RP1L1: variants seen among roughly 807,000 people sequenced by gnomAD.
RP1L1 encodes RP1 like 1, also known as retinitis pigmentosa 1-like 1 protein.
RP1L1 carries 27 observed loss-of-function variants against 15.7 expected under a neutral mutation model. The ratio of observed to expected loss-of-function variants is 1.72; its 90% CI spans 1.27 to 2.38. The LOEUF (loss-of-function observed/expected upper bound fraction) is 2.38, where lower values mean the gene tolerates loss of function less well. Among genes scored for constraint, RP1L1 ranks in the 30% most tolerant of loss-of-function variants. The pLI, the probability that RP1L1 is intolerant of heterozygous loss-of-function variation, is 0.00. For missense variants in RP1L1, 4,798 were observed against 3,075.9 expected (o/e 1.56, Z -13.24); for synonymous variants, 1,813 against 1,276.7 (o/e 1.42, Z -8.96).
chr8:10,638,773 C>A (rs548831077), intron 1 of RP1L1, among the ~76,000 whole-genome samples: 1 of 152,086 alleles, frequency 6.6e-6, no homozygotes, highest in Non-Finnish European at 1.5e-5. Flanking sequence ...AGATAAAACC[C>A]ATTTGCTGCC....
intron 1 of RP1L1, among the ~76,000 whole-genome samples, chr8:10,639,383 T>C (rs1263658341): frequency 6.6e-6 from 1 of 152,102 alleles, no homozygotes. Flanking sequence ...ATTGTTTGAA[T>C]TTATTTATTT....
At chr8:10,625,099 C>A (rs374620149) in intron 1 of RP1L1, among the ~76,000 whole-genome samples, 2 of 152,334 alleles carry the variant, frequency 1.3e-5, no homozygotes, top group Admixed American at 6.5e-5. Flanking sequence ...TCAGCTGATA[C>A]GCAAAATCGC....
intron 2 of RP1L1, among the ~76,000 whole-genome samples, 195 bp from the exon 3 acceptor site, chr8:10,616,782 C>A (rs1335501330): frequency 1.3e-5 from 2 of 152,202 alleles, no homozygotes; most frequent in African/African-American, 4.8e-5. Context: ...TGAGGTCCCA[C>A]CACCACGATC....
rs556646641 is a variant in RP1L1 at position 10,629,574 on chromosome 8, G to A, written c.-19-6354C>T. ...ACAGGTGTGGTCCCAAGGCAGCTTG[G>A]GCTACTGTGCAACCAAATGCAATCA... On this transcript the variant is annotated intron_variant, in intron 1 of 3. Coordinates refer to ENST00000382483, the MANE Select transcript of RP1L1 (RefSeq NM_178857.6). 5.3e-5 allele frequency among the ~76,000 whole-genome samples: 8 copies of A among 152,174 alleles called. No homozygotes were observed. The East Asian group carries it at 1.4e-3, about 26-fold the overall frequency.
At chr8:10,644,066 G>C (rs1798442421) in intron 1 of RP1L1, among the ~76,000 whole-genome samples, 1 of 152,024 alleles carries the variant, frequency 6.6e-6, no homozygotes, top group Admixed American at 6.5e-5. Flanking sequence ...AGAAGGCTAT[G>C]TTGGGTTCCA....
chr8:10,633,302 C>T (rs1326863689), intron 1 of RP1L1, among the ~76,000 whole-genome samples: 1 of 152,138 alleles, frequency 6.6e-6, no homozygotes, highest in African/African-American at 2.4e-5. Flanking sequence ...CCCACTAGTG[C>T]CCCCATTGAC....
chr8:10,614,658 C>T (rs564113557), intron 3 of RP1L1, among the ~76,000 whole-genome samples: 24 of 93,306 alleles, frequency 2.6e-4, no homozygotes, highest in Admixed American at 1.3e-3. Context: ...AAGATTCTGT[C>T]GTCAAAAAAA....
chr8:10,619,032 G>C (rs961446498), intron 2 of RP1L1, among the ~76,000 whole-genome samples: 3 of 152,020 alleles, frequency 2.0e-5, no homozygotes, highest in South Asian at 2.1e-4. Flanking sequence ...CACCATGCCT[G>C]GCTAATTTTA....
intron 1 of RP1L1, among the ~76,000 whole-genome samples, chr8:10,651,437 G>A (rs1798559364): frequency 6.6e-6 from 1 of 152,090 alleles, no homozygotes; most frequent in South Asian, 2.1e-4. Context: ...AGAAATAAAA[G>A]CTATGCTCGG....
chr8:10,607,966 T>G lies in RP1L1; in HGVS notation c.6132A>C (p.Thr2044=). The G allele has an allele frequency of 1.2e-6, 2 of 1,612,020 alleles. No individual in the cohort carries two copies. The change falls in exon 4 of 4, where the codon ACA becomes ACC. Residue 2044 remains threonine, a synonymous_variant. Transcript: ENST00000382483. ...CTGACTCTGGCTGGGCATCCCCTTC[T>G]GTCTTCTGGGTCTCCCCTTCAACCT... is the stretch of plus-strand genomic sequence containing the variant. ...AQEVEGETQK[T]EGDAQPESDG...
intron 1 of RP1L1, among the ~76,000 whole-genome samples, chr8:10,646,176 G>T (rs538261030): frequency 4.0e-4 from 61 of 152,346 alleles, no homozygotes; most frequent in African/African-American, 1.4e-3. Flanking sequence ...TGCCGAGAGA[G>T]CCTGCTGTGC....
rs766654464 is a variant in RP1L1 at position 10,610,433 on chromosome 8, G to T, written c.3665C>A (p.Thr1222Asn). 1 of 1,613,848 alleles carries T rather than the reference G, an allele frequency of 6.2e-7. No homozygotes were observed. Among genetic ancestry groups the T allele is most frequent in the South Asian group, 1.1e-5 (1 of 91,088 alleles). Residue 1222 changes from threonine (T) to asparagine (N), a missense_variant, in exon 4 of 4, where the codon ACC (threonine) becomes AAC (asparagine). Physicochemically the swap from Thr to Asn is moderately conservative, Grantham distance 65. Coordinates refer to ENST00000382483, the MANE Select transcript of RP1L1 (RefSeq NM_178857.6). ...ESSVPCAMDG[T>N]LVTQGTELPL... ...CAGCTCTGTCCCCTGTGTCACCAGG[G>T]TGCCGTCCATGGCACAGGGTACGCT...
At chr8:10,621,857 A>T (rs1019799547) in intron 2 of RP1L1, 1 of 445,996 alleles carries the variant, frequency 2.2e-6, no homozygotes. Context: ...CTTCCTGCAC[A>T]TGCTGGGAGC....
In RP1L1 at chr8:10,611,076, G is replaced by A. The variant is rs756996764; in HGVS notation, c.3022C>T (p.Gln1008Ter). 1 of 1,612,886 alleles carries A rather than the reference G, an allele frequency of 6.2e-7. No homozygotes were observed. Among genetic ancestry groups the A allele is most frequent in the Non-Finnish European group, 8.5e-7 (1 of 1,180,008 alleles). ...HSLEGLGEPA[Q>*]AGQQSLEGDP... ...CCTTCCAGGGACTGCTGTCCCGCCT[G>A]AGCTGGCTCCCCCAGGCCTTCCAGA... The change falls in exon 4 of 4, where the codon CAG becomes TAG. Residue 1008 changes from glutamine (Q) to a stop codon, truncating the protein, a stop_gained. Coordinates refer to ENST00000382483, the MANE Select transcript of RP1L1 (RefSeq NM_178857.6). LOFTEE classifies it low-confidence loss of function (END_TRUNC).
chr8:10,617,108 G>C (rs1263189886), intron 2 of RP1L1, among the ~76,000 whole-genome samples: 1 of 151,952 alleles, frequency 6.6e-6, no homozygotes, highest in Non-Finnish European at 1.5e-5. Context: ...TTCCTGCAGG[G>C]ACCCCTTCCC....
At chr8:10,625,415 G>C (rs533275531) in intron 1 of RP1L1, among the ~76,000 whole-genome samples, 93 of 152,102 alleles carry the variant, frequency 6.1e-4, no homozygotes, top group African/African-American at 2.1e-3. Context: ...GAAAGACACA[G>C]GGAAGAGGGG....
At chr8:10,653,064 C>T (rs1254471658) in intron 1 of RP1L1, among the ~76,000 whole-genome samples, 1 of 152,140 alleles carries the variant, frequency 6.6e-6, no homozygotes, top group African/African-American at 2.4e-5. Flanking sequence ...CAGCCCAGCA[C>T]CTCCAGCAAG....
chr8:10,614,784 G>T (rs376444922), intron 3 of RP1L1, among the ~76,000 whole-genome samples: 1 of 151,854 alleles, frequency 6.6e-6, no homozygotes, highest in Non-Finnish European at 1.5e-5. Context: ...ATCTCCTGGG[G>T]GGAGGGGGAA....
intron 2 of RP1L1, among the ~76,000 whole-genome samples, chr8:10,620,698 A>G (rs1798044359): frequency 1.3e-5 from 2 of 152,208 alleles, no homozygotes; most frequent in Non-Finnish European, 2.9e-5. Context: ...CAATGAGCCA[A>G]TAGGCAACAA....
Sources: gnomAD v4.1 joint callset for allele counts (sites outside exome capture counted in the v4.1 genomes callset) on GRCh38, gnomAD v4.1.1 for gene constraint, MANE v1.5 for transcripts, NCBI Gene and HGNC (gene_info 2026-07-23, HGNC 2026-07-21) for gene names.